Variants in ADORA2B observed in about 807,000 individuals in gnomAD.
ADORA2B encodes adenosine receptor A2b.
In ADORA2B, 18 loss-of-function variants were observed where a neutral mutation model predicts 20.8. The ratio of observed to expected loss-of-function variants is 0.87; its 90% CI spans 0.60 to 1.29. The LOEUF (loss-of-function observed/expected upper bound fraction) is 1.29, where lower values mean the gene tolerates loss of function less well. Ranked by LOEUF, ADORA2B falls within the 50% of genes most tolerant of loss-of-function variation. ADORA2B has a pLI of 0.00. For synonymous variants in ADORA2B, 179 were observed against 178.3 expected (o/e 1.00, Z -0.03); for missense variants, 441 against 422.7 (o/e 1.04, Z -0.38).
intron 1 of ADORA2B, among the ~76,000 whole-genome samples, chr17:15,970,458 A>T (rs2151609825): frequency 6.6e-6 from 1 of 152,316 alleles, no homozygotes; most frequent in Middle Eastern, 3.4e-3. Flanking sequence ...ATGAGCCTCT[A>T]TGTACAGGGT....
the ADORA2B span, among the ~76,000 whole-genome samples, chr17:15,929,210 AT>A: frequency 6.6e-6 from 1 of 152,120 alleles, no homozygotes; most frequent in Non-Finnish European, 1.5e-5. Flanking sequence ...CCTACTGACA[AT>A]TTGGGGGTCA....
chr17:15,882,732 C>G, the ADORA2B span, among the ~76,000 whole-genome samples: 6 of 150,944 alleles, frequency 4.0e-5, no homozygotes, highest in African/African-American at 1.5e-4. Flanking sequence ...GAAGGAAAAA[C>G]AGGATTTTCA....
At chr17:15,907,414 T>G in the ADORA2B span, among the ~76,000 whole-genome samples, 1 of 152,182 alleles carries the variant, frequency 6.6e-6, no homozygotes, top group Non-Finnish European at 1.5e-5. Flanking sequence ...TGCTTCTGGC[T>G]TTACGTCAGG....
the ADORA2B span, among the ~76,000 whole-genome samples, chr17:15,875,400 A>G: frequency 5.3e-5 from 8 of 152,136 alleles, no homozygotes; most frequent in African/African-American, 1.9e-4. Context: ...TTCAGCCCCC[A>G]GCCTCCGTGC....
chr17:15,918,987 C>T, the ADORA2B span, among the ~76,000 whole-genome samples: 12 of 152,304 alleles, frequency 7.9e-5, 1 homozygote, highest in African/African-American at 2.6e-4. Flanking sequence ...CCTGAGCCCC[C>T]ACCACCAACA....
the ADORA2B span, among the ~76,000 whole-genome samples, chr17:15,905,430 G>T: frequency 6.6e-6 from 1 of 152,234 alleles, no homozygotes; most frequent in East Asian, 1.9e-4. Flanking sequence ...CACCAGACTG[G>T]AGTGCAGTGG....
At chr17:15,915,065 A>G in the ADORA2B span, among the ~76,000 whole-genome samples, 33 of 152,232 alleles carry the variant, frequency 2.2e-4, no homozygotes, top group Non-Finnish European at 4.1e-4. Flanking sequence ...TCAGAAGTGC[A>G]GCATAGCCTC....
chr17:15,940,227 A>C (rs937330353), upstream of ADORA2B, among the ~76,000 whole-genome samples: 4 of 152,192 alleles, frequency 2.6e-5, no homozygotes, highest in Admixed American at 6.5e-5. Context: ...TGTGTGTGCA[A>C]TGGTGCAGGA....
chr17:15,964,594 G>A (rs200307371), intron 1 of ADORA2B, among the ~76,000 whole-genome samples: 2 of 138,216 alleles, frequency 1.4e-5, no homozygotes, highest in Non-Finnish European at 3.0e-5. Flanking sequence ...CAGTCTGGGC[G>A]ACAAGAGCAA....
At chr17:15,942,255 A>T (rs1322835439), upstream of ADORA2B, among the ~76,000 whole-genome samples, 1 of 152,042 alleles carries the variant, frequency 6.6e-6, no homozygotes, top group Admixed American at 6.6e-5. Context: ...TGCTGTCCTC[A>T]TGATAGTGAG....
chr17:15,888,770 A>T, the ADORA2B span, among the ~76,000 whole-genome samples: 1 of 91,146 alleles, frequency 1.1e-5, no homozygotes, highest in Non-Finnish European at 2.0e-5. Flanking sequence ...TTATTTATTC[A>T]TGACTTTGGA....
At chr17:15,884,050 A>G in the ADORA2B span, among the ~76,000 whole-genome samples, 1 of 152,220 alleles carries the variant, frequency 6.6e-6, no homozygotes, top group Non-Finnish European at 1.5e-5. Context: ...ATGACTGCTC[A>G]GAGTCACACT....
At chr17:15,922,001 C>G in the ADORA2B span, among the ~76,000 whole-genome samples, 1 of 152,110 alleles carries the variant, frequency 6.6e-6, no homozygotes, top group South Asian at 2.1e-4. Flanking sequence ...GGTTCTGTTA[C>G]AAAAAGGAAG....
At chr17:15,937,852 C>G in the ADORA2B span, among the ~76,000 whole-genome samples, 1 of 152,178 alleles carries the variant, frequency 6.6e-6, no homozygotes, top group Non-Finnish European at 1.5e-5. Flanking sequence ...GGATTACAGG[C>G]GTGAGCGACC....
At chr17:15,879,981 G>A in the ADORA2B span, among the ~76,000 whole-genome samples, 2 of 149,226 alleles carry the variant, frequency 1.3e-5, no homozygotes, top group Non-Finnish European at 2.9e-5. Context: ...TTCTCTAACA[G>A]TGAAGACTGA....
chr17:15,963,387 C>T (rs1385852310), intron 1 of ADORA2B, among the ~76,000 whole-genome samples: 1 of 152,110 alleles, frequency 6.6e-6, no homozygotes, highest in East Asian at 1.9e-4. Flanking sequence ...CAACCAAGTG[C>T]CTTCTCATGT....
the ADORA2B span, among the ~76,000 whole-genome samples, chr17:15,873,056 T>C: frequency 6.6e-6 from 1 of 152,168 alleles, no homozygotes; most frequent in African/African-American, 2.4e-5. Flanking sequence ...TATCCACATA[T>C]ATATTATTTT....
chr17:15,890,460 TTTTATTTA>T, the ADORA2B span, among the ~76,000 whole-genome samples: 316 of 83,344 alleles, frequency 3.8e-3, 48 homozygotes, highest in South Asian at 0.018. Flanking sequence ...CATTCCTTTC[TTTTATTTA>T]TTTATTTATT....
At chr17:15,970,449 T>C (rs539151044) in intron 1 of ADORA2B, among the ~76,000 whole-genome samples, 9 of 152,152 alleles carry the variant, frequency 5.9e-5, no homozygotes, top group Non-Finnish European at 1.0e-4. Flanking sequence ...CCCCTATGAA[T>C]GAGCCTCTAT....
Sources: allele counts gnomAD v4.1 joint callset (sites outside exome capture counted in the v4.1 genomes callset), GRCh38; gene constraint gnomAD v4.1.1; transcripts MANE v1.5; gene names NCBI Gene and HGNC (gene_info 2026-07-23, HGNC 2026-07-21).